FBXL4: variants seen among roughly 807,000 people sequenced by gnomAD.
FBXL4 encodes the protein F-box and leucine rich repeat protein 4.
A neutral mutation model predicts 58.9 loss-of-function variants in FBXL4; 40 were observed. That is an observed-to-expected ratio of 0.68 (90% CI 0.53 to 0.88). The LOEUF is 0.88. FBXL4 is among the 40% of genes least tolerant of loss of function. The pLI, the probability that FBXL4 is intolerant of heterozygous loss-of-function variation, is 0.00. For missense variants in FBXL4, 676 were observed against 734.4 expected (o/e 0.92, Z 0.92); for synonymous variants, 263 against 265.5 (o/e 0.99, Z 0.09).
At chr6:98,940,510 A>T (rs764622408) in intron 1 of FBXL4, among the ~76,000 whole-genome samples, 9 of 152,168 alleles carry the variant, frequency 5.9e-5, no homozygotes, top group Non-Finnish European at 8.8e-5. Context: ...GTGGGTGGTG[A>T]TACCCTGTGG....
chr6:98,888,587 C>A (rs1771117971), intron 7 of FBXL4, among the ~76,000 whole-genome samples: 1 of 152,192 alleles, frequency 6.6e-6, no homozygotes, highest in Non-Finnish European at 1.5e-5. Flanking sequence ...CAAGTCTACA[C>A]ATTCTGCTGG....
At position 98,875,629 on chromosome 6, in the gene FBXL4, T is replaced by C; in HGVS notation, c.1488A>G (p.Gly496=). The change falls in exon 9 of 10, where the codon GGA becomes GGG. Residue 496 remains glycine, a synonymous_variant. Coordinates refer to ENST00000369244, the MANE Select transcript of FBXL4 (RefSeq NM_001278716.2). ...GACACCCAGAAGCCAGTTCTGCTAT[T>C]CCATTCTCAGTAATATTCTTACATC... ...LWRCKNITEN[G]IAELASGCPL... 6.2e-7 allele frequency: 1 copy of C among 1,614,124 alleles called. No homozygotes were observed.
At position 98,870,582 on chromosome 6, in the gene FBXL4, T is replaced by C. The variant is rs770060406; in HGVS notation, c.*3696A>G. On this transcript the variant is annotated 3_prime_UTR_variant, in exon 10 of 10. Transcript: ENST00000369244. The stretch of plus-strand genomic sequence containing the variant: ...CTGCAGTAATGCAGTTACCAGCATT[T>C]TGAGTGCCACATATGTTGTCATACC... 2.6e-5 allele frequency: 4 copies of C among 152,224 alleles called. No individual in the cohort carries two copies. Among genetic ancestry groups the C allele is most frequent in the Non-Finnish European group, 5.9e-5 (4 of 68,030 alleles). The allele number at this position is 152,224 out of a possible 1,614,324, so 9.4% of individuals were successfully genotyped here.
rs970378447 is a variant in FBXL4, at chr6:98,872,501, GTAAA to G, written c.*1773_*1776del. ...CGAAACATTAACTTTGATCCTCCCT[GTAAA>G]TATTTAATTCTTTTCATTAGTAAAC... On this transcript the variant is annotated 3_prime_UTR_variant, in exon 10 of 10. Coordinates refer to ENST00000369244, the MANE Select transcript of FBXL4 (RefSeq NM_001278716.2). The G allele has an allele frequency of 2.0e-5, 3 of 151,986 alleles. No individual in the cohort carries two copies. The highest frequency in any genetic ancestry group is 1.9e-4 in the East Asian group (1 of 5,184). The allele number at this position is 151,986 out of a possible 1,614,324, so 9.4% of individuals were successfully genotyped here. A position where few individuals can be genotyped will look rare whatever the true frequency, so the allele number is the denominator to read the frequency against.
At chr6:98,903,176 C>A (rs1582398764) in intron 6 of FBXL4, among the ~76,000 whole-genome samples, 2 of 152,162 alleles carry the variant, frequency 1.3e-5, no homozygotes, top group East Asian at 3.9e-4. Flanking sequence ...TAGTACTGAG[C>A]ATAAATAGAC....
Position 98,917,738 on chromosome 6 carries a change from T to A in FBXL4, c.513-19A>T. 6.4e-7 allele frequency: 1 copy of A among 1,555,956 alleles called. No individual in the cohort carries two copies. ...CTCCCATCTGCCAAAAAAAGAAACT[T>A]CCCTATAATACAGTTTAGAATGAGA... is the stretch of plus-strand genomic sequence containing the variant. On this transcript the variant is annotated intron_variant, in intron 4 of 9. Transcript: ENST00000369244.
intron 7 of FBXL4, among the ~76,000 whole-genome samples, chr6:98,894,941 G>A (rs1455130639): frequency 6.6e-6 from 1 of 152,040 alleles, no homozygotes; most frequent in Non-Finnish European, 1.5e-5. Context: ...ATGCAGGGAG[G>A]GACCCACATC....
rs72936555 is a variant in FBXL4, at chr6:98,886,401, A to G, written c.1318-5777T>C. ...AGTACATTCCTCAGACTTCTCTTCT[A>G]ATTTAGTAATCCTGTGTCCAATTTA... On this transcript the variant is annotated intron_variant, in intron 7 of 9. Coordinates refer to ENST00000369244, the MANE Select transcript of FBXL4 (RefSeq NM_001278716.2). 3.8e-3 allele frequency among the ~76,000 whole-genome samples: 577 copies of G among 152,192 alleles called. 3 individuals carry two copies. Among genetic ancestry groups the G allele is most frequent in the Middle Eastern group, 0.024 (7 of 292 alleles).
At position 98,875,568 on chromosome 6, in the gene FBXL4, T is replaced by G. The variant is rs763702280; in HGVS notation, c.1549A>C (p.Thr517Pro). 6.2e-7 allele frequency: 1 copy of G among 1,614,106 alleles called. No homozygotes were observed. Among genetic ancestry groups the G allele is most frequent in the East Asian group, 2.2e-5 (1 of 44,876 alleles). Residue 517 changes from threonine to proline, a missense_variant, in exon 9 of 10, where the codon ACT becomes CCT. Thr to Pro is a conservative substitution (Grantham distance 38). Transcript: ENST00000369244. ...LEELDLGWCP[T>P]LQSSTGCFTR... is the part of the protein sequence containing the mutation. Reference sequence around the variant, plus strand: ...AAGCACCCGGTGCTGCTCTGCAGAGTTGGGCACCAGCCAAGGTCAAGCTCC... The same window carrying G: ...AAGCACCCGGTGCTGCTCTGCAGAGGTGGGCACCAGCCAAGGTCAAGCTCC...
intron 7 of FBXL4, among the ~76,000 whole-genome samples, chr6:98,889,723 TTTAG>T (rs1486493394): frequency 1.3e-5 from 2 of 151,726 alleles, no homozygotes; most frequent in African/African-American, 4.8e-5. Context: ...CAAAAACAGT[TTTAG>T]TTAGTGAAAT....
In FBXL4 at chr6:98,878,862, C is replaced by T. The variant is rs185220148; in HGVS notation, c.1389+1691G>A. The stretch of plus-strand genomic sequence containing the variant: ...GACAGAAACTGCCATCAAATGTCAT[C>T]GGGTCCATCAAGAAGAGTCACTGAA... On this transcript the variant is annotated intron_variant, in intron 8 of 9. Coordinates refer to ENST00000369244, the MANE Select transcript of FBXL4 (RefSeq NM_001278716.2). Among the ~76,000 whole-genome samples the T allele has an allele frequency of 5.3e-3, 800 of 152,180 alleles. 8 individuals are homozygous for T. The highest frequency in any genetic ancestry group is 5.4e-3 in the Non-Finnish European group (368 of 68,012).
rs1219991796 is a variant in FBXL4, at chr6:98,870,869, G to A, written c.*3409C>T. 1.3e-5 allele frequency: 2 copies of A among 152,130 alleles called. No homozygotes were observed. The highest frequency in any genetic ancestry group is 2.9e-5 in the Non-Finnish European group (2 of 68,060). The allele number at this position is 152,130 out of a possible 1,614,324, so 9.4% of individuals were successfully genotyped here. A position where few individuals can be genotyped will look rare whatever the true frequency, so the allele number is the denominator to read the frequency against. ...GGCTGAAGTGGGTGGATCACTTGAG[G>A]TCAGGAGTTCAAGACCAGCCTGGAC... On this transcript the variant is annotated 3_prime_UTR_variant, in exon 10 of 10. Transcript: ENST00000369244.
At chr6:98,916,832 A>G (rs1772375161) in intron 5 of FBXL4, among the ~76,000 whole-genome samples, 1 of 147,180 alleles carries the variant, frequency 6.8e-6, no homozygotes, top group African/African-American at 2.5e-5. Flanking sequence ...AAAAAAACTA[A>G]AAAAAAAAAA....
chr6:98,912,006 G>C (rs1244175424), intron 5 of FBXL4, among the ~76,000 whole-genome samples: 1 of 152,150 alleles, frequency 6.6e-6, no homozygotes, highest in African/African-American at 2.4e-5. Flanking sequence ...TGAAAGCCAA[G>C]GCTCAAGAAC....
rs147668821 is a variant in FBXL4, at chr6:98,871,971, T to C, written c.*2307A>G. The C allele has an allele frequency of 6.6e-6, 1 of 152,330 alleles. No homozygotes were observed. Among genetic ancestry groups the C allele is most frequent in the East Asian group, 1.9e-4 (1 of 5,186 alleles). 9.4% of individuals were successfully genotyped at this position (152,330 alleles called of 1,614,324 possible). ...CTCAAGACTTAATAAAATTTTGAAATGAATTCAAGCCAAAATTACAAGGCA... is the reference window on the plus strand; with the variant it reads ...CTCAAGACTTAATAAAATTTTGAAACGAATTCAAGCCAAAATTACAAGGCA... On this transcript the variant is annotated 3_prime_UTR_variant, in exon 10 of 10. Transcript: ENST00000369244.
intron 6 of FBXL4, among the ~76,000 whole-genome samples, chr6:98,901,219 A>G (rs1025565110): frequency 2.0e-5 from 3 of 152,184 alleles, no homozygotes; most frequent in Non-Finnish European, 4.4e-5. Context: ...GAGTAGTCAG[A>G]GAAGCTTCAG....
intron 1 of FBXL4, among the ~76,000 whole-genome samples, chr6:98,940,061 T>G (rs998200921): frequency 6.6e-6 from 1 of 152,254 alleles, no homozygotes; most frequent in Non-Finnish European, 1.5e-5. Context: ...TGGAAGCATG[T>G]ACATTCTGTA....
intron 4 of FBXL4, among the ~76,000 whole-genome samples, chr6:98,918,169 C>T (rs1291914871): frequency 6.6e-6 from 1 of 152,074 alleles, no homozygotes; most frequent in African/African-American, 2.4e-5. Flanking sequence ...AAATGCAAAA[C>T]TTTCATATTA....
intron 1 of FBXL4, among the ~76,000 whole-genome samples, chr6:98,942,458 G>A (rs72627762): frequency 0.021 from 3,181 of 152,132 alleles, 183 homozygotes; most frequent in East Asian, 0.19. Context: ...GTTTCTCATG[G>A]TTTAGCACTA....
Sources: allele counts gnomAD v4.1 joint callset (sites outside exome capture counted in the v4.1 genomes callset), GRCh38; gene constraint gnomAD v4.1.1; transcripts MANE v1.5; gene names NCBI Gene and HGNC (gene_info 2026-07-23, HGNC 2026-07-21).